GHR: variants seen among roughly 807,000 people sequenced by gnomAD.
GHR encodes the protein growth hormone receptor, also known as GH receptor.
In GHR, 35 loss-of-function variants were observed where a neutral mutation model predicts 67.1. The ratio of observed to expected loss-of-function variants is 0.52; its 90% CI spans 0.40 to 0.69. The LOEUF (loss-of-function observed/expected upper bound fraction) is 0.69. Among genes scored for constraint, GHR ranks in the 30% least tolerant of loss-of-function variants. GHR has a pLI of 0.00. For missense variants in GHR, 792 were observed against 764.6 expected (o/e 1.04, Z -0.42); for synonymous variants, 272 against 269.1 (o/e 1.01, Z -0.10).
At chr5:42,451,860 T>C (rs1291168568) in intron 1 of GHR, among the ~76,000 whole-genome samples, 1 of 152,238 alleles carries the variant, frequency 6.6e-6, no homozygotes, top group African/African-American at 2.4e-5. Context: ...CTCTCCATTC[T>C]GTCATTCTGT....
In GHR at chr5:42,711,280, G is replaced by A. The variant is rs745737869; in HGVS notation, c.692G>A (p.Arg231Lys). 3 of 1,612,918 alleles carry A rather than the reference G, an allele frequency of 1.9e-6. No individual in the cohort carries two copies. The highest frequency in any genetic ancestry group is 2.5e-6 in the Non-Finnish European group (3 of 1,178,908). ...GATAAGGAATATGAAGTGCGTGTGAGATCCAAACAACGAAACTCTGGAAAT... is the reference window on the plus strand; with the variant it reads ...GATAAGGAATATGAAGTGCGTGTGAAATCCAAACAACGAAACTCTGGAAAT... Reference protein sequence around the residue: ...KVDKEYEVRVRSKQRNSGNYG... With the variant: ...KVDKEYEVRVKSKQRNSGNYG... Residue 231 changes from arginine (R) to lysine (K), a missense_variant, in exon 7 of 10, where the codon AGA becomes AAA. Transcript: ENST00000230882.
At chr5:42,634,157 G>A (rs1754058126) in intron 3 of GHR, among the ~76,000 whole-genome samples, 1 of 151,472 alleles carries the variant, frequency 6.6e-6, no homozygotes, top group Admixed American at 6.6e-5. Flanking sequence ...AAATAAAGAT[G>A]CTAATAGTAC....
intron 2 of GHR, among the ~76,000 whole-genome samples, chr5:42,581,711 A>G (rs891446139): frequency 6.6e-6 from 1 of 152,092 alleles, no homozygotes; most frequent in African/African-American, 2.4e-5. Context: ...TGCCGGCTGT[A>G]GTGGGGGAGG....
chr5:42,605,558 G>C (rs1265740382), intron 2 of GHR, among the ~76,000 whole-genome samples: 2 of 152,116 alleles, frequency 1.3e-5, no homozygotes, highest in Non-Finnish European at 2.9e-5. Context: ...CTAGATGAGT[G>C]GTCCATCTTC....
chr5:42,525,006 A>T (rs1212198138), intron 1 of GHR, among the ~76,000 whole-genome samples: 1 of 152,216 alleles, frequency 6.6e-6, no homozygotes, highest in African/African-American at 2.4e-5. Context: ...TGGGGCCCTC[A>T]TGGAGAACCT....
chr5:42,668,785 C>T (rs531413953), intron 3 of GHR, among the ~76,000 whole-genome samples: 1 of 152,140 alleles, frequency 6.6e-6, no homozygotes, highest in African/African-American at 2.4e-5. Flanking sequence ...CATGCCAATG[C>T]TCCTCAGCTT....
rs781586655 is a variant in GHR at position 42,718,621 on chromosome 5, A to C, written c.1114A>C (p.Lys372Gln). The C allele has an allele frequency of 1.9e-6, 3 of 1,614,102 alleles. No individual in the cohort carries two copies. In the South Asian group the frequency reaches 3.3e-5, roughly 18 times the overall value. ...CAGACTTCTAAGCAGTGACCATGAG[A>C]AATCACATAGTAACCTAGGGGTGAA... ...TDRLLSSDHE[K>Q]SHSNLGVKDG... The change falls in exon 10 of 10, where the codon AAA becomes CAA. Residue 372 changes from lysine to glutamine, a missense_variant. By Grantham distance (53) the Lys-to-Gln change is moderately conservative. Transcript: ENST00000230882.
At chr5:42,566,735 A>G (rs1313145528) in intron 2 of GHR, among the ~76,000 whole-genome samples, 1 of 151,932 alleles carries the variant, frequency 6.6e-6, no homozygotes, top group Non-Finnish European at 1.5e-5. Flanking sequence ...AGAAAGAAAG[A>G]ATATATTTCT....
intron 3 of GHR, among the ~76,000 whole-genome samples, chr5:42,640,295 T>C (rs564358349): frequency 6.6e-6 from 1 of 152,240 alleles, no homozygotes; most frequent in Admixed American, 6.5e-5. Context: ...ATACTGCTAA[T>C]ACCCCACAAG....
At chr5:42,655,920 G>A (rs1028236790) in intron 3 of GHR, among the ~76,000 whole-genome samples, 2 of 152,054 alleles carry the variant, frequency 1.3e-5, no homozygotes, top group African/African-American at 2.4e-5. Context: ...AAAAGTATTA[G>A]CCCAGCCATT....
At chr5:42,535,668 G>T (rs1748224693) in intron 1 of GHR, among the ~76,000 whole-genome samples, 1 of 151,860 alleles carries the variant, frequency 6.6e-6, no homozygotes, top group Non-Finnish European at 1.5e-5. Context: ...AAGAATTTTA[G>T]AATTGTTTTT....
At chr5:42,565,465 T>G (rs1749871511) in intron 1 of GHR, 8 of 984,960 alleles carry the variant, frequency 8.1e-6, no homozygotes, top group Non-Finnish European at 8.4e-6. Context: ...TTATGGCCTG[T>G]CCAGCTCAAG....
intron 1 of GHR, among the ~76,000 whole-genome samples, chr5:42,537,573 T>C (rs933695722): frequency 2.0e-5 from 3 of 152,176 alleles, no homozygotes; most frequent in African/African-American, 7.2e-5. Flanking sequence ...TTTTATGGCC[T>C]ATCATATGGT....
chr5:42,481,234 G>A (rs557774041), intron 1 of GHR, among the ~76,000 whole-genome samples: 39 of 152,324 alleles, frequency 2.6e-4, no homozygotes, highest in African/African-American at 9.4e-4. Context: ...CTTCTGGCTT[G>A]TAGAGTTTCT....
chr5:42,549,394 G>A (rs1440839127), intron 1 of GHR, among the ~76,000 whole-genome samples: 1 of 152,172 alleles, frequency 6.6e-6, no homozygotes, highest in Admixed American at 6.5e-5. Flanking sequence ...ATAAAGATGA[G>A]CCACAGGAGA....
chr5:42,548,289 T>A (rs1748831045), intron 1 of GHR: 1 of 985,072 alleles, frequency 1.0e-6, no homozygotes, highest in Non-Finnish European at 1.2e-6. Context: ...GGTTTATATA[T>A]CAAAGCAGAA....
chr5:42,588,286 C>T (rs1321444440), intron 2 of GHR, among the ~76,000 whole-genome samples: 1 of 151,756 alleles, frequency 6.6e-6, no homozygotes, highest in Non-Finnish European at 1.5e-5. Flanking sequence ...TTAGGAGGCT[C>T]AGGCGGGCAG....
intron 2 of GHR, among the ~76,000 whole-genome samples, chr5:42,586,179 C>T (rs1455170078): frequency 6.6e-6 from 1 of 151,560 alleles, no homozygotes; most frequent in African/African-American, 2.4e-5. Context: ...TTTTCCTTTC[C>T]TCCTCCTCCT....
chr5:42,450,203 C>T (rs977814485), intron 1 of GHR, among the ~76,000 whole-genome samples: 3 of 152,038 alleles, frequency 2.0e-5, no homozygotes, highest in Admixed American at 1.3e-4. Context: ...TTTCAGTATC[C>T]AATTCTTCTT....
Sources: gnomAD v4.1 joint callset for allele counts (sites outside exome capture counted in the v4.1 genomes callset) on GRCh38, gnomAD v4.1.1 for gene constraint, MANE v1.5 for transcripts, NCBI Gene and HGNC (gene_info 2026-07-23, HGNC 2026-07-21) for gene names.